Variants in TEAD1 observed in about 807,000 individuals in gnomAD.
TEAD1 encodes the protein TEA domain transcription factor 1.
Under a neutral mutation model 54.9 loss-of-function variants are expected in TEAD1, and 9 were observed. The ratio of observed to expected loss-of-function variants is 0.16; its 90% CI spans 0.10 to 0.29. TEAD1 has a LOEUF of 0.29. TEAD1 is among the 10% of genes least tolerant of loss of function. The pLI is 1.00. For synonymous variants in TEAD1, 200 were observed against 187.8 expected, an observed-to-expected ratio of 1.07 and a Z score of -0.53; for missense variants, 387 against 535.9, an observed-to-expected ratio of 0.72 and a Z score of 2.74.
At chr11:12,915,686 A>G (rs1296187728) in intron 10 of TEAD1, among the ~76,000 whole-genome samples, 1 of 152,100 alleles carries the variant, frequency 6.6e-6, no homozygotes, top group East Asian at 1.9e-4. Flanking sequence ...CATCTCTACT[A>G]AAAAATACAA....
At chr11:12,729,648 TAG>T (rs1944381104) in intron 2 of TEAD1, among the ~76,000 whole-genome samples, 1 of 152,190 alleles carries the variant, frequency 6.6e-6, no homozygotes, top group Non-Finnish European at 1.5e-5. Flanking sequence ...AGGAGAAAGC[TAG>T]AGAGAGGAAT....
intron 4 of TEAD1, among the ~76,000 whole-genome samples, chr11:12,863,948 C>T (rs761997876): frequency 2.0e-5 from 3 of 151,986 alleles, no homozygotes; most frequent in African/African-American, 7.3e-5. Flanking sequence ...GTTTTCAACC[C>T]AGATTTTTAA....
At chr11:12,757,800 G>A (rs1945012542) in intron 2 of TEAD1, among the ~76,000 whole-genome samples, 1 of 151,984 alleles carries the variant, frequency 6.6e-6, no homozygotes. Context: ...ATTTTTTTGA[G>A]ACAGAGTCTT....
intron 3 of TEAD1, among the ~76,000 whole-genome samples, chr11:12,785,322 C>T (rs536966478): frequency 1.2e-4 from 19 of 152,300 alleles, no homozygotes; most frequent in South Asian, 2.1e-4. Context: ...GCCCTTTTCC[C>T]GGTTCCAGTT....
At chr11:12,778,689 G>T (rs1003410714) in intron 3 of TEAD1, among the ~76,000 whole-genome samples, 5 of 152,108 alleles carry the variant, frequency 3.3e-5, no homozygotes, top group Non-Finnish European at 5.9e-5. Context: ...ATTAGTGAAA[G>T]TTGTTGGTAA....
intron 3 of TEAD1, among the ~76,000 whole-genome samples, chr11:12,791,559 T>C (rs1157123152): frequency 6.6e-6 from 1 of 152,158 alleles, no homozygotes; most frequent in Non-Finnish European, 1.5e-5. Context: ...AGGCTTTTTT[T>C]CCTGGCTGTA....
intron 5 of TEAD1, among the ~76,000 whole-genome samples, chr11:12,878,187 AGTTATAGG>A (rs1221319190): frequency 6.6e-6 from 1 of 152,002 alleles, no homozygotes; most frequent in Non-Finnish European, 1.5e-5. Context: ...TCTTCCTGAC[AGTTATAGG>A]GCAAAGTAGT....
rs550841266 is a variant in TEAD1 at position 12,919,165 on chromosome 11, A to G, written c.874-5747A>G. ...GCTTTAAAACATGTAATTTGTTGGG[A>G]TGGTTTCTGAGGGTAGGTTGGGTAT... On this transcript the variant is annotated intron_variant, in intron 10 of 12. Transcript: ENST00000527636. Among the ~76,000 whole-genome samples the G allele has an allele frequency of 2.6e-5, 4 of 152,274 alleles. No individual in the cohort carries two copies. In the East Asian group the frequency reaches 7.7e-4, roughly 29 times the overall value.
At chr11:12,914,660 C>G (rs1174634189) in intron 10 of TEAD1, among the ~76,000 whole-genome samples, 1 of 152,122 alleles carries the variant, frequency 6.6e-6, no homozygotes, top group African/African-American at 2.4e-5. Flanking sequence ...GGGCGAGGAG[C>G]CTTTTAGAGC....
intron 2 of TEAD1, among the ~76,000 whole-genome samples, chr11:12,705,456 C>A (rs1031138745): frequency 6.6e-5 from 10 of 152,176 alleles, no homozygotes; most frequent in African/African-American, 2.4e-4. Context: ...CCCATTTGCT[C>A]TTACCATCCA....
At chr11:12,873,357 G>A (rs1481036954) in intron 5 of TEAD1, among the ~76,000 whole-genome samples, 2 of 152,264 alleles carry the variant, frequency 1.3e-5, no homozygotes, top group East Asian at 3.9e-4. Context: ...GAGTCATGAG[G>A]CACACCTATG....
At chr11:12,712,296 T>A (rs1189691680) in intron 2 of TEAD1, among the ~76,000 whole-genome samples, 1 of 152,206 alleles carries the variant, frequency 6.6e-6, no homozygotes, top group Admixed American at 6.5e-5. Flanking sequence ...CTCTCAGTTT[T>A]CTTCCTACCA....
At chr11:12,904,028 C>T (rs1948470446) in intron 10 of TEAD1, among the ~76,000 whole-genome samples, 1 of 152,026 alleles carries the variant, frequency 6.6e-6, no homozygotes, top group African/African-American at 2.4e-5. Flanking sequence ...CTAGGGAGTT[C>T]CTTGATATCA....
At chr11:12,680,638 G>C (rs1032687294) in intron 2 of TEAD1, among the ~76,000 whole-genome samples, 1 of 152,212 alleles carries the variant, frequency 6.6e-6, no homozygotes, top group Admixed American at 6.5e-5. Context: ...CCGTACACGT[G>C]CTCACATGCA....
intron 2 of TEAD1, among the ~76,000 whole-genome samples, chr11:12,736,961 T>C (rs1445602450): frequency 1.3e-5 from 2 of 152,332 alleles, no homozygotes; most frequent in Middle Eastern, 3.4e-3. Flanking sequence ...TCTATATGTA[T>C]GTATTAAATA....
chr11:12,709,798 G>C (rs1192768392), intron 2 of TEAD1, among the ~76,000 whole-genome samples: 1 of 152,036 alleles, frequency 6.6e-6, no homozygotes, highest in East Asian at 1.9e-4. Flanking sequence ...CACAGTGCTG[G>C]GATTGCAGTT....
chr11:12,925,280 G>A (rs1402427825), intron 11 of TEAD1, among the ~76,000 whole-genome samples: 1 of 152,186 alleles, frequency 6.6e-6, no homozygotes, highest in Non-Finnish European at 1.5e-5. Context: ...ATGATTTGGG[G>A]GGTGTCAGGA....
At chr11:12,879,953 G>C (rs1947932310) in intron 6 of TEAD1, 111 bp downstream of exon 6, 7 of 1,508,292 alleles carry the variant, frequency 4.6e-6, no homozygotes, top group Non-Finnish European at 6.4e-6. Context: ...GTATGTGAGA[G>C]GGCAAAGGCT....
intron 2 of TEAD1, among the ~76,000 whole-genome samples, chr11:12,723,383 C>A (rs888902997): frequency 6.6e-6 from 1 of 152,116 alleles, no homozygotes; most frequent in African/African-American, 2.4e-5. Flanking sequence ...GTCAGATTTT[C>A]TGTGTAGAGC....
Sources: gnomAD v4.1 joint callset for allele counts (sites outside exome capture counted in the v4.1 genomes callset) on GRCh38, gnomAD v4.1.1 for gene constraint, MANE v1.5 for transcripts, NCBI Gene and HGNC (gene_info 2026-07-23, HGNC 2026-07-21) for gene names.